Variants in SLC24A3 observed in about 807,000 individuals in gnomAD.
SLC24A3 encodes sodium/potassium/calcium exchanger 3.
SLC24A3 carries 28 observed loss-of-function variants against 75.8 expected under a neutral mutation model. The observed-to-expected ratio is 0.37, with a 90% CI of 0.27 to 0.51. The LOEUF (loss-of-function observed/expected upper bound fraction) is 0.51, where lower values mean the gene tolerates loss of function less well. SLC24A3 is among the 20% of genes least tolerant of loss of function. The pLI, the probability that SLC24A3 is intolerant of heterozygous loss-of-function variation, is 0.94. For synonymous variants in SLC24A3, 372 were observed against 334.1 expected (o/e 1.11, Z -1.24); for missense variants, 663 against 847.8 (o/e 0.78, Z 2.71).
chr20:19,383,116 T>C (rs1284504248), intron 2 of SLC24A3, among the ~76,000 whole-genome samples: 1 of 152,164 alleles, frequency 6.6e-6, no homozygotes, highest in African/African-American at 2.4e-5. Flanking sequence ...GCAGCCCTGA[T>C]CAGTACCCTC....
At chr20:19,314,325 T>TATTTTA (rs1984530585) in intron 2 of SLC24A3, among the ~76,000 whole-genome samples, 1 of 149,780 alleles carries the variant, frequency 6.7e-6, no homozygotes, top group Non-Finnish European at 1.5e-5. Context: ...TATTTTATTT[T>TATTTTA]ATTTTTGAGA....
At chr20:19,299,019 C>A (rs1341397880) in intron 2 of SLC24A3, among the ~76,000 whole-genome samples, 1 of 152,130 alleles carries the variant, frequency 6.6e-6, no homozygotes, top group Non-Finnish European at 1.5e-5. Context: ...CAGGTGCTGG[C>A]AGTTGGAAGT....
At position 19,243,215 on chromosome 20, in the gene SLC24A3, T is replaced by A. The variant is rs375888824; in HGVS notation, c.142+30231T>A. On this transcript the variant is annotated intron_variant, in intron 1 of 16. Coordinates refer to ENST00000328041, the MANE Select transcript of SLC24A3 (RefSeq NM_020689.4). ...TAGAAAGTATGATTTATAAGATTGA[T>A]GTATATTATTTGTAAGATACTGGGG... Among the ~76,000 whole-genome samples the A allele has an allele frequency of 2.1e-4, 32 of 152,324 alleles. 1 individual carries two copies. The East Asian group carries it at 5.6e-3, about 27-fold the overall frequency.
At chr20:19,496,685 A>G (rs1988293952) in intron 2 of SLC24A3, among the ~76,000 whole-genome samples, 1 of 152,140 alleles carries the variant, frequency 6.6e-6, no homozygotes, top group South Asian at 2.1e-4. Context: ...GTGATCAGGA[A>G]AAGGTAGGAG....
chr20:19,449,451 C>T (rs915985472), intron 2 of SLC24A3, among the ~76,000 whole-genome samples: 2 of 152,214 alleles, frequency 1.3e-5, no homozygotes, highest in African/African-American at 4.8e-5. Context: ...ATCAACCTGA[C>T]AGAGTCCTAG....
intron 6 of SLC24A3, among the ~76,000 whole-genome samples, chr20:19,638,610 T>C (rs917795765): frequency 3.3e-5 from 5 of 152,180 alleles, no homozygotes; most frequent in Non-Finnish European, 5.9e-5. Context: ...CTGTTACATA[T>C]GTCAATGCAT....
At chr20:19,372,845 C>T (rs955130640) in intron 2 of SLC24A3, among the ~76,000 whole-genome samples, 1 of 152,110 alleles carries the variant, frequency 6.6e-6, no homozygotes, top group African/African-American at 2.4e-5. Context: ...ACATTTCATC[C>T]TTCTCTGTGG....
chr20:19,483,476 T>C (rs1600248174), intron 2 of SLC24A3, among the ~76,000 whole-genome samples: 2 of 152,272 alleles, frequency 1.3e-5, no homozygotes, highest in Admixed American at 1.3e-4. Context: ...TGTGTGTATG[T>C]GGTAACTAAA....
intron 2 of SLC24A3, among the ~76,000 whole-genome samples, chr20:19,345,338 A>G (rs1013199125): frequency 6.6e-5 from 10 of 152,230 alleles, no homozygotes; most frequent in African/African-American, 2.4e-4. Flanking sequence ...AACGTGTTCT[A>G]TACTTTCAAT....
In SLC24A3 at chr20:19,270,293, C is replaced by T. The variant is rs142238232; in HGVS notation, c.143-10666C>T. Among the ~76,000 whole-genome samples, 9 of 152,198 alleles carry T rather than the reference C, an allele frequency of 5.9e-5. No individual in the cohort carries two copies. The South Asian group carries it at 6.3e-4, about 11-fold the overall frequency. Reference sequence around the variant, plus strand: ...AGAACTCTTGAGAAACACAGAATCTCGGTGCCCACCCCAGACCTCCTTACT... The same window carrying T: ...AGAACTCTTGAGAAACACAGAATCTTGGTGCCCACCCCAGACCTCCTTACT... On this transcript the variant is annotated intron_variant, in intron 1 of 16. Coordinates refer to ENST00000328041, the MANE Select transcript of SLC24A3 (RefSeq NM_020689.4).
intron 6 of SLC24A3, among the ~76,000 whole-genome samples, chr20:19,603,238 T>C (rs978231565): frequency 8.6e-5 from 13 of 151,736 alleles, no homozygotes; most frequent in African/African-American, 3.2e-4. Flanking sequence ...TTTGTGGGGG[T>C]TTTGGTCTGG....
chr20:19,538,654 T>A (rs1356743662), intron 3 of SLC24A3, among the ~76,000 whole-genome samples: 2 of 152,194 alleles, frequency 1.3e-5, no homozygotes, highest in Non-Finnish European at 2.9e-5. Flanking sequence ...GCAACTGGAA[T>A]TCTCATCTGC....
chr20:19,410,502 A>T (rs1986723998), intron 2 of SLC24A3, among the ~76,000 whole-genome samples: 1 of 152,180 alleles, frequency 6.6e-6, no homozygotes, highest in South Asian at 2.1e-4. Flanking sequence ...GAGAACACTC[A>T]GGGACAATAA....
intron 6 of SLC24A3, among the ~76,000 whole-genome samples, chr20:19,638,099 A>G (rs895303772): frequency 2.0e-5 from 3 of 151,528 alleles, no homozygotes; most frequent in African/African-American, 7.3e-5. Context: ...AGACCCCAGT[A>G]TATGATGTTC....
intron 2 of SLC24A3, among the ~76,000 whole-genome samples, chr20:19,337,361 T>G (rs868101871): frequency 6.6e-6 from 1 of 152,124 alleles, no homozygotes; most frequent in Non-Finnish European, 1.5e-5. Context: ...GGAGAATCAC[T>G]TGAACCTGGG....
At chr20:19,337,175 T>C (rs922888718) in intron 2 of SLC24A3, among the ~76,000 whole-genome samples, 1 of 152,228 alleles carries the variant, frequency 6.6e-6, no homozygotes, top group Non-Finnish European at 1.5e-5. Context: ...CCGAGCGCAG[T>C]GGCTCACGCC....
chr20:19,705,205 TAA>T (rs2032915809), intron 15 of SLC24A3, among the ~76,000 whole-genome samples: 1 of 152,170 alleles, frequency 6.6e-6, no homozygotes, highest in Non-Finnish European at 1.5e-5. Flanking sequence ...TTTTCTATCC[TAA>T]AAGTACCAAC....
intron 3 of SLC24A3, among the ~76,000 whole-genome samples, chr20:19,528,607 C>A (rs185618221): frequency 6.6e-6 from 1 of 152,228 alleles, no homozygotes; most frequent in East Asian, 1.9e-4. Context: ...CTGAAAGATA[C>A]CCTGCTGCTT....
chr20:19,254,122 G>A (rs1292895650), intron 1 of SLC24A3, among the ~76,000 whole-genome samples: 3 of 152,198 alleles, frequency 2.0e-5, no homozygotes, highest in African/African-American at 7.2e-5. Context: ...ATTGTATGAG[G>A]AAATAATCAC....
Sources: gnomAD v4.1 joint callset for allele counts (sites outside exome capture counted in the v4.1 genomes callset) on GRCh38, gnomAD v4.1.1 for gene constraint, MANE v1.5 for transcripts, NCBI Gene and HGNC (gene_info 2026-07-23, HGNC 2026-07-21) for gene names.